Variants in DACH2 observed in about 807,000 individuals in gnomAD.
DACH2 encodes the protein dachshund family transcription factor 2, also known as dachshund homolog 2.
A neutral mutation model predicts 35.8 loss-of-function variants in DACH2; 17 were observed. The ratio of observed to expected loss-of-function variants is 0.48; its 90% confidence interval spans 0.33 to 0.71. The LOEUF is 0.71. Ranked by LOEUF, DACH2 falls within the 30% of genes least tolerant of loss-of-function variation. The pLI, the probability that DACH2 is intolerant of heterozygous loss-of-function variation, is 0.02. For missense variants in DACH2, 469 were observed against 472.7 expected (o/e 0.99, Z 0.07); for synonymous variants, 195 against 177.3 (o/e 1.10, Z -0.79).
intron 6 of DACH2, among the ~76,000 whole-genome samples, chrX:86,737,524 T>A (rs2041609091): frequency 1.8e-5 from 2 of 111,964 alleles, no homozygotes; most frequent in African/African-American, 3.2e-5. Flanking sequence ...AAACAAAATT[T>A]AAAAATATGC....
chrX:86,608,227 A>C (rs1435895851), intron 3 of DACH2, among the ~76,000 whole-genome samples: 1 of 111,492 alleles, frequency 9.0e-6, no homozygotes, highest in East Asian at 2.8e-4. Context: ...ATACCATCTC[A>C]CACCAGTTAG....
At chrX:86,530,868 T>A (rs1169722285) in intron 3 of DACH2, among the ~76,000 whole-genome samples, 2 of 111,437 alleles carry the variant, frequency 1.8e-5, no homozygotes, top group Non-Finnish European at 3.8e-5. Context: ...TTGCTGATAG[T>A]GATAAGGACA....
intron 1 of DACH2, among the ~76,000 whole-genome samples, chrX:86,320,787 T>C (rs774754758): frequency 8.9e-6 from 1 of 112,032 alleles, no homozygotes; most frequent in East Asian, 2.8e-4. Flanking sequence ...TCCTTCCTTT[T>C]TGACAGATAG....
chrX:86,158,699 A>G (rs1397271970), intron 1 of DACH2, among the ~76,000 whole-genome samples: 2 of 111,145 alleles, frequency 1.8e-5, no homozygotes, highest in Admixed American at 9.7e-5. Flanking sequence ...TATAAGCTGT[A>G]TTATCCCTCC....
At chrX:86,458,584 C>T (rs191947447) in intron 2 of DACH2, among the ~76,000 whole-genome samples, 1 of 111,516 alleles carries the variant, frequency 9.0e-6, no homozygotes, top group Non-Finnish European at 1.9e-5. Flanking sequence ...TGAAATAACA[C>T]AGCATTTTTG....
At chrX:86,330,368 A>G (rs1368221226) in intron 1 of DACH2, among the ~76,000 whole-genome samples, 3 of 111,886 alleles carry the variant, frequency 2.7e-5, no homozygotes, top group Non-Finnish European at 5.6e-5. Context: ...GTTGAAAATA[A>G]TTTTAATAAA....
intron 1 of DACH2, among the ~76,000 whole-genome samples, chrX:86,256,100 T>C (rs1374829597): frequency 1.8e-5 from 2 of 111,172 alleles, no homozygotes; most frequent in Non-Finnish European, 3.8e-5. Flanking sequence ...GGATTTTTAT[T>C]TTTTTAAAAA....
At chrX:86,573,863 A>G (rs2039402919) in intron 3 of DACH2, among the ~76,000 whole-genome samples, 1 of 111,487 alleles carries the variant, frequency 9.0e-6, no homozygotes, top group African/African-American at 3.3e-5. Context: ...TGTCTTCTCA[A>G]TACAGCCATA....
chrX:86,456,968 T>C (rs184986074), intron 2 of DACH2, among the ~76,000 whole-genome samples: 390 of 112,057 alleles, frequency 3.5e-3, no homozygotes, highest in Non-Finnish European at 5.2e-3. Context: ...ATTTGCATCT[T>C]TGTTTTCTTG....
chrX:86,227,177 G>A (rs1307932054), intron 1 of DACH2, among the ~76,000 whole-genome samples: 1 of 111,527 alleles, frequency 9.0e-6, no homozygotes, highest in Admixed American at 9.5e-5. Context: ...TTTAAGCCAA[G>A]CACAATAATA....
At chrX:86,219,057 A>G (rs903672114) in intron 1 of DACH2, among the ~76,000 whole-genome samples, 4 of 112,102 alleles carry the variant, frequency 3.6e-5, no homozygotes, top group African/African-American at 9.7e-5. Context: ...AATTTTAGTA[A>G]TAATTGGTAC....
rs184936335 is a variant in DACH2 at position 86,161,597 on chromosome X, T to C, written c.488+12489T>C. ...TCTACTCTGTGAAGAGAATAATTAA[T>C]TGATTTTCAGCTTGCAATTAAGAAA... On this transcript the variant is annotated intron_variant, in intron 1 of 11. Coordinates refer to ENST00000373125, the MANE Select transcript of DACH2 (RefSeq NM_053281.3). Among the ~76,000 whole-genome samples, 9 of 112,418 alleles carry C rather than the reference T, an allele frequency of 8.0e-5. No individual in the cohort carries two copies. In the East Asian group the frequency reaches 2.5e-3, roughly 31 times the overall value.
At chrX:86,650,967 C>A in intron 3 of DACH2, 69 bp from the exon 4 acceptor site, 1 of 1,002,803 alleles carries the variant, frequency 1.0e-6, no homozygotes, top group East Asian at 3.6e-5. Context: ...CTTGTACCCC[C>A]AAATCTAAAA....
chrX:86,234,530 C>T (rs1479552348), intron 1 of DACH2, among the ~76,000 whole-genome samples: 1 of 111,076 alleles, frequency 9.0e-6, no homozygotes, highest in Non-Finnish European at 1.9e-5. Flanking sequence ...CTGTACCTAG[C>T]TTCCCCTATT....
chrX:86,148,459 T>C lies in DACH2; in HGVS notation c.-162T>C, dbSNP rs1411345581. Reference sequence around the variant, plus strand: ...GCGGGTCGGGGCTGCTCACTGTTTGTTGAGCTTGAGCGTGAGCCGGCTGCT... The same window carrying C: ...GCGGGTCGGGGCTGCTCACTGTTTGCTGAGCTTGAGCGTGAGCCGGCTGCT... On this transcript the variant is annotated 5_prime_UTR_variant, in exon 1 of 12. Coordinates refer to ENST00000373125, the MANE Select transcript of DACH2 (RefSeq NM_053281.3). 1 of 570,782 alleles carries C rather than the reference T, an allele frequency of 1.8e-6. No individual in the cohort carries two copies. The highest frequency in any genetic ancestry group is 2.3e-5 in the African/African-American group (1 of 42,916). 47.0% of individuals were successfully genotyped at this position (570,782 alleles called of 1,213,427 possible). A position where few individuals can be genotyped will look rare whatever the true frequency, so the allele number is the denominator to read the frequency against.
chrX:86,544,784 G>A (rs921813950), intron 3 of DACH2, among the ~76,000 whole-genome samples: 7 of 111,621 alleles, frequency 6.3e-5, no homozygotes, highest in Non-Finnish European at 9.4e-5. Context: ...TCAAATCCGC[G>A]CATGCCAATA....
chrX:86,642,050 C>G (rs2040353137), intron 3 of DACH2, among the ~76,000 whole-genome samples: 1 of 111,777 alleles, frequency 8.9e-6, no homozygotes, highest in Admixed American at 9.5e-5. Flanking sequence ...ATCACACAAA[C>G]AAGCCAACAT....
chrX:86,273,751 T>G (rs1159883395), intron 1 of DACH2, among the ~76,000 whole-genome samples: 1 of 111,875 alleles, frequency 8.9e-6, no homozygotes, highest in Non-Finnish European at 1.9e-5. Context: ...AGCCAGGCTC[T>G]TGATACTAGT....
At chrX:86,333,465 G>T (rs1242558666) in intron 1 of DACH2, among the ~76,000 whole-genome samples, 1 of 111,535 alleles carries the variant, frequency 9.0e-6, no homozygotes, top group East Asian at 2.8e-4. Context: ...ACAGTAGCAA[G>T]TGTGGTCATT....
Sources: gnomAD v4.1 joint callset for allele counts (sites outside exome capture counted in the v4.1 genomes callset) on GRCh38, gnomAD v4.1.1 for gene constraint, MANE v1.5 for transcripts, NCBI Gene and HGNC (gene_info 2026-07-23, HGNC 2026-07-21) for gene names.